PSEN1: variants seen among roughly 807,000 people sequenced by gnomAD.
PSEN1 encodes presenilin-1.
Under a neutral mutation model 53.5 loss-of-function variants are expected in PSEN1, and 15 were observed. The observed-to-expected ratio is 0.28, with a 90% CI of 0.19 to 0.43. PSEN1 has a LOEUF of 0.43. Among genes scored for constraint, PSEN1 ranks in the 20% least tolerant of loss-of-function variants. PSEN1 has a pLI of 1.00. For missense variants in PSEN1, 387 were observed against 571.2 expected (o/e 0.68, Z 3.29); for synonymous variants, 208 against 209.8 (o/e 0.99, Z 0.08).
At chr14:73,151,894 ATTTTTTTTTTTTTTTTT>A (rs56754992) in intron 3 of PSEN1, among the ~76,000 whole-genome samples, 5 of 38,952 alleles carry the variant, frequency 1.3e-4, no homozygotes, top group Non-Finnish European at 1.6e-4. Flanking sequence ...ATATATATAT[ATTTTTTTTTTTTTTTTT>A]TTTTTTTTTT....
intron 1 of PSEN1, chr14:73,138,100 T>C (rs2140485231): frequency 6.6e-6 from 1 of 151,972 alleles, no homozygotes; most frequent in South Asian, 2.1e-4. Flanking sequence ...TTGTTTTTCT[T>C]TTGGAGAAAA....
chr14:73,137,164 T>G (rs1896770897), intron 1 of PSEN1: 1 of 152,484 alleles, frequency 6.6e-6, no homozygotes, highest in Non-Finnish European at 1.5e-5. Context: ...TTTAGGCATA[T>G]TAATCCATAG....
chr14:73,200,826 G>A (rs557521528), intron 8 of PSEN1, among the ~76,000 whole-genome samples: 215 of 152,072 alleles, frequency 1.4e-3, no homozygotes, highest in Non-Finnish European at 1.6e-3. Flanking sequence ...CTAGGTGGGC[G>A]GATCACTTGA....
intron 9 of PSEN1, among the ~76,000 whole-genome samples, chr14:73,210,955 A>C (rs943089715): frequency 2.0e-5 from 3 of 152,218 alleles, no homozygotes; most frequent in Non-Finnish European, 2.9e-5. Context: ...GATAGTCATT[A>C]TAATGAAATG....
At chr14:73,200,296 G>A (rs146072458) in intron 8 of PSEN1, among the ~76,000 whole-genome samples, 352 of 152,096 alleles carry the variant, frequency 2.3e-3, no homozygotes, top group African/African-American at 8.0e-3. Context: ...GTGTGAGACA[G>A]TCTCTCTCTG....
At chr14:73,146,885 A>G (rs1212423928) in intron 1 of PSEN1, among the ~76,000 whole-genome samples, 1 of 152,168 alleles carries the variant, frequency 6.6e-6, no homozygotes, top group South Asian at 2.1e-4. Context: ...GAAGAGTTGA[A>G]ATCATAAAGA....
chr14:73,212,223 G>C (rs1039650068), intron 10 of PSEN1, among the ~76,000 whole-genome samples: 3 of 144,108 alleles, frequency 2.1e-5, no homozygotes, highest in Non-Finnish European at 4.5e-5. Flanking sequence ...TGATTCTCCT[G>C]CCTCAGCCTC....
intron 3 of PSEN1, among the ~76,000 whole-genome samples, chr14:73,148,431 A>G (rs1897130605): frequency 2.0e-5 from 3 of 152,080 alleles, no homozygotes; most frequent in African/African-American, 2.4e-5. Flanking sequence ...CATTTTATTT[A>G]CTGTATTCAT....
At chr14:73,208,203 G>T (rs939896930) in intron 9 of PSEN1, among the ~76,000 whole-genome samples, 2 of 152,188 alleles carry the variant, frequency 1.3e-5, no homozygotes. Context: ...CACCTGCAAC[G>T]TGGCAAGTGG....
chr14:73,145,684 A>G (rs991416369), intron 1 of PSEN1, among the ~76,000 whole-genome samples: 9 of 152,218 alleles, frequency 5.9e-5, no homozygotes, highest in Non-Finnish European at 7.3e-5. Flanking sequence ...ACTTGTATGG[A>G]TACTCAAAAA....
chr14:73,173,914 C>A, intron 5 of PSEN1: 1 of 677,068 alleles, frequency 1.5e-6, no homozygotes, highest in Admixed American at 2.3e-5. Context: ...GGCTCAGAGG[C>A]TGAGGCAGGA....
At position 73,182,259 on chromosome 14, in the gene PSEN1, C is replaced by T. The variant is rs527717823; in HGVS notation, c.481-4594C>T. 2.6e-5 allele frequency among the ~76,000 whole-genome samples: 4 copies of T among 152,026 alleles called. No homozygotes were observed. The South Asian group carries it at 6.2e-4, about 24-fold the overall frequency. On this transcript the variant is annotated intron_variant, in intron 5 of 11. Transcript: ENST00000324501. ...ACCAGTATGGCTGAGACCAGAGGAT[C>T]ACTTGAAGCCAGGAGTTCAAAACCA...
intron 10 of PSEN1, among the ~76,000 whole-genome samples, 198 bp from the exon 11 acceptor site, chr14:73,216,928 A>G (rs1899940077): frequency 6.6e-6 from 1 of 152,196 alleles, no homozygotes; most frequent in Non-Finnish European, 1.5e-5. Context: ...AAGACTCCAG[A>G]GTCAGTCACA....
chr14:73,149,311 G>A (rs1897154246), intron 3 of PSEN1, among the ~76,000 whole-genome samples: 2 of 152,066 alleles, frequency 1.3e-5, no homozygotes, highest in Admixed American at 1.3e-4. Context: ...GCAACATAGA[G>A]AGGTTCTGTG....
At chr14:73,173,440 TG>T in intron 4 of PSEN1, 125 bp from the exon 5 acceptor site, 1 of 941,304 alleles carries the variant, frequency 1.1e-6, no homozygotes, top group Non-Finnish European at 1.7e-6. Context: ...ATTGGTGAGT[TG>T]GGGAAAAGTG....
intron 3 of PSEN1, chr14:73,160,155 A>G (rs1281981695): frequency 1.1e-5 from 2 of 175,020 alleles, no homozygotes; most frequent in Non-Finnish European, 2.6e-5. Flanking sequence ...GGAATCATAC[A>G]TTATTTCTCT....
intron 8 of PSEN1, among the ~76,000 whole-genome samples, chr14:73,202,105 C>T (rs573778278): frequency 2.0e-5 from 3 of 151,662 alleles, no homozygotes; most frequent in South Asian, 2.1e-4. Flanking sequence ...AGTGCAGTGG[C>T]GCAATCTCAG....
At chr14:73,154,830 A>G (rs1259490237) in intron 3 of PSEN1, among the ~76,000 whole-genome samples, 2 of 152,220 alleles carry the variant, frequency 1.3e-5, no homozygotes, top group Non-Finnish European at 2.9e-5. Context: ...CAGCCTTACT[A>G]ATAGGGATAA....
At chr14:73,167,803 ACT>A (rs1324391220) in intron 3 of PSEN1, 2 of 126,276 alleles carry the variant, frequency 1.6e-5, no homozygotes, top group Admixed American at 7.9e-5. Context: ...AAGTTAAATC[ACT>A]CTCTATTGCA....
Sources: gnomAD v4.1 joint callset for allele counts (sites outside exome capture counted in the v4.1 genomes callset) on GRCh38, gnomAD v4.1.1 for gene constraint, MANE v1.5 for transcripts, NCBI Gene and HGNC (gene_info 2026-07-23, HGNC 2026-07-21) for gene names.